Variants in DHX30 observed in about 807,000 individuals in gnomAD.
DHX30 encodes ATP-dependent RNA helicase DHX30.
In DHX30, 4 loss-of-function variants were observed where a neutral mutation model predicts 116.9. The ratio of observed to expected loss-of-function variants is 0.03; its 90% CI spans 0.02 to 0.08. The LOEUF (loss-of-function observed/expected upper bound fraction) is 0.08, where lower values mean the gene tolerates loss of function less well. DHX30 is among the 10% of genes least tolerant of loss of function. The pLI, the probability that DHX30 is intolerant of heterozygous loss-of-function variation, is 1.00. For synonymous variants in DHX30, 697 were observed against 651.7 expected (o/e 1.07, Z -1.06); for missense variants, 871 against 1,595.1 (o/e 0.55, Z 7.73).
chr3:47,838,641 C>A (rs2107095363), intron 6 of DHX30, among the ~76,000 whole-genome samples: 1 of 152,330 alleles, frequency 6.6e-6, no homozygotes, highest in East Asian at 1.9e-4. Flanking sequence ...AGGTTCCTGG[C>A]CCGTGGCCCG....
intron 3 of DHX30, among the ~76,000 whole-genome samples, chr3:47,815,170 A>G (rs2035995298): frequency 1.3e-5 from 2 of 152,168 alleles, no homozygotes; most frequent in South Asian, 4.2e-4. Context: ...GGCTTTCCCT[A>G]ATACTAGCAA....
At chr3:47,813,890 G>GTTT (rs2035913205) in intron 3 of DHX30, among the ~76,000 whole-genome samples, 1 of 135,868 alleles carries the variant, frequency 7.4e-6, no homozygotes, top group African/African-American at 2.8e-5. Context: ...GTCATCCTGG[G>GTTT]CTTTTTTTTT....
At chr3:47,814,143 A>G (rs4858863) in intron 3 of DHX30, among the ~76,000 whole-genome samples, 112,015 of 151,446 alleles carry the variant, frequency 0.74, 42,002 homozygotes, top group African/African-American at 0.86. Context: ...CACGATCCTC[A>G]GCTGAGCGCG....
At chr3:47,843,031 T>G in intron 8 of DHX30, 75 bp from the exon 9 acceptor site, 1 of 1,552,732 alleles carries the variant, frequency 6.4e-7, no homozygotes, top group Non-Finnish European at 8.8e-7. Flanking sequence ...CTGGGCTCCT[T>G]GGCATTCTGA....
Position 47,846,552 on chromosome 3 carries a change from A to G in DHX30, c.1480A>G (p.Ile494Val), listed in dbSNP as rs756133392. ...CNVIITQPRR[I>V]SAVSVAQRVS... ...TGTTATCATCACCCAACCTCGCCGCATCTCTGCTGTGTCTGTGGCACAGCG... is the reference window on the plus strand; with the variant it reads ...TGTTATCATCACCCAACCTCGCCGCGTCTCTGCTGTGTCTGTGGCACAGCG... The change falls in exon 11 of 22, where the codon ATC becomes GTC. Residue 494 changes from isoleucine to valine, a missense_variant. Around this residue, in one of 13 missense-constraint regions of DHX30, gnomAD observed 63 missense variants for 180.6 expected, o/e 0.35. Transcript: ENST00000445061. The G allele has an allele frequency of 6.2e-7, 1 of 1,614,080 alleles. No individual in the cohort carries two copies. The highest frequency in any genetic ancestry group is 8.5e-7 in the Non-Finnish European group (1 of 1,180,022).
In DHX30 at chr3:47,825,366, A is replaced by G. The variant is rs542185788; in HGVS notation, c.125-1981A>G. On this transcript the variant is annotated intron_variant, in intron 4 of 21. Coordinates refer to ENST00000445061, the MANE Select transcript of DHX30 (RefSeq NM_138615.3). ...GGGGGTCCTCTCTTCCATAGTGGCC[A>G]AGTTCGCCATCCGTCGGCGGGCAGC... 2.5e-5 allele frequency: 13 copies of G among 523,754 alleles called. No homozygotes were observed. The South Asian group carries it at 3.3e-4, about 13-fold the overall frequency. 32.4% of individuals were successfully genotyped at this position (523,754 alleles called of 1,614,324 possible).
intron 5 of DHX30, 62 bp from the exon 6 acceptor site, chr3:47,828,962 T>C: frequency 1.0e-6 from 1 of 991,724 alleles, no homozygotes. Context: ...ATTTTCCATG[T>C]AATTTGCAAC....
chr3:47,825,011 G>T lies in DHX30; in HGVS notation c.125-2336G>T, dbSNP rs993724127. On this transcript the variant is annotated intron_variant, in intron 4 of 21. Transcript: ENST00000445061. Reference sequence around the variant, plus strand: ...GTTCTCTTCGCCCGGTCCCTGCCGCGCACAGGCCTCGGGGTCGGCGGGAGC... The same window carrying T: ...GTTCTCTTCGCCCGGTCCCTGCCGCTCACAGGCCTCGGGGTCGGCGGGAGC... The T allele has an allele frequency of 1.6e-5, 10 of 615,364 alleles. No individual in the cohort carries two copies. In the East Asian group the frequency reaches 3.0e-4, roughly 19 times the overall value. 38.1% of individuals were successfully genotyped at this position (615,364 alleles called of 1,614,324 possible).
Position 47,848,871 on chromosome 3 carries a change from G to C in DHX30, c.2770-49G>C, listed in dbSNP as rs368605984. 9 of 1,597,298 alleles carry C rather than the reference G, an allele frequency of 5.6e-6. No individual in the cohort carries two copies. Among genetic ancestry groups the C allele is most frequent in the Non-Finnish European group, 6.9e-6 (8 of 1,167,544 alleles). On this transcript the variant is annotated intron_variant, in intron 17 of 21. Coordinates refer to ENST00000445061, the MANE Select transcript of DHX30 (RefSeq NM_138615.3). This position sits in a 1 kb window ranked among gnomAD's most constrained non-coding sequence, Gnocchi z 9.4. Reference sequence around the variant, plus strand: ...CCACCCACTGCTGTTCTGAGGGGGCGTTGTCTAGCCCCTGCCTGTGATCCG... The same window carrying C: ...CCACCCACTGCTGTTCTGAGGGGGCCTTGTCTAGCCCCTGCCTGTGATCCG...
Position 47,841,019 on chromosome 3 carries a change from C to T in DHX30, c.509C>T (p.Pro170Leu). ...MPPTSWRQLN[P>L]ESIRPGGPGG... ...CCTACTTCCTGGCGGCAGCTGAATC[C>T]AGAGAGTATTCGACCAGGGGGACCT... Residue 170 changes from proline (P) to leucine (L), a missense_variant, in exon 7 of 22, where the codon CCA (proline) becomes CTA (leucine). Around this residue, in one of 13 missense-constraint regions of DHX30, gnomAD observed 109 missense variants for 118.8 expected, o/e 0.92. Transcript: ENST00000445061. 1.2e-6 allele frequency: 2 copies of T among 1,614,180 alleles called. No homozygotes were observed. Among genetic ancestry groups the T allele is most frequent in the South Asian group, 1.1e-5 (1 of 91,088 alleles).
At chr3:47,843,395 A>G in intron 9 of DHX30, 140 bp downstream of exon 9, 1 of 1,183,848 alleles carries the variant, frequency 8.4e-7, no homozygotes, top group Non-Finnish European at 1.2e-6. Context: ...GCTGGTATGC[A>G]GGCCTCGCTT....
intron 9 of DHX30, among the ~76,000 whole-genome samples, chr3:47,844,908 C>T (rs575252756): frequency 2.0e-5 from 3 of 152,028 alleles, no homozygotes; most frequent in Admixed American, 6.6e-5. Flanking sequence ...ACAGATGGGT[C>T]GGGTGCCATG....
At position 47,831,936 on chromosome 3, in the gene DHX30, T is replaced by C. The variant is rs901617925; in HGVS notation, c.366+2802T>C. Among the ~76,000 whole-genome samples, 2 of 149,304 alleles carry C rather than the reference T, an allele frequency of 1.3e-5. 1 individual carries two copies. Among genetic ancestry groups the C allele is most frequent in the Non-Finnish European group, 3.0e-5 (2 of 67,100 alleles). ...TGAAGGCCTTTTCCTTTTTCTTTTT[T>C]TTTTTTTTTTTTATTCCTCTCTCCC... On this transcript the variant is annotated intron_variant, in intron 6 of 21. Transcript: ENST00000445061.
intron 6 of DHX30, among the ~76,000 whole-genome samples, chr3:47,836,511 A>AGTTTT (rs367678281): frequency 1.4e-4 from 21 of 151,334 alleles, no homozygotes; most frequent in South Asian, 4.2e-4. Flanking sequence ...CTATGTGTAT[A>AGTTTT]GTTTTGTTTT....
At chr3:47,841,250 C>T in intron 7 of DHX30, 72 bp downstream of exon 7, 1 of 1,556,956 alleles carries the variant, frequency 6.4e-7, no homozygotes. Flanking sequence ...ATGTTCTCTG[C>T]TAGCTTTCTC....
chr3:47,804,779 A>G (rs1335239497), intron 1 of DHX30, among the ~76,000 whole-genome samples: 1 of 152,178 alleles, frequency 6.6e-6, no homozygotes, highest in Non-Finnish European at 1.5e-5. Context: ...GCCCTGAGGC[A>G]GCTATGGGAT....
At chr3:47,823,440 T>C (rs995001389) in intron 4 of DHX30, among the ~76,000 whole-genome samples, 2 of 149,458 alleles carry the variant, frequency 1.3e-5, no homozygotes, top group Non-Finnish European at 3.0e-5. Flanking sequence ...CTCGGCTCAC[T>C]GCAACCTCCG....
At chr3:47,805,003 T>G (rs1197249244) in intron 1 of DHX30, among the ~76,000 whole-genome samples, 4 of 152,220 alleles carry the variant, frequency 2.6e-5, no homozygotes, top group Non-Finnish European at 5.9e-5. Context: ...ATTATGGGAT[T>G]AGAACTCAAA....
chr3:47,805,727 G>A (rs2035485116), intron 2 of DHX30, among the ~76,000 whole-genome samples: 1 of 152,038 alleles, frequency 6.6e-6, no homozygotes, highest in South Asian at 2.1e-4. Context: ...TTTTAGTAGA[G>A]ACTGGGTTTC....
Sources: gnomAD v4.1 joint callset for allele counts (sites outside exome capture counted in the v4.1 genomes callset) on GRCh38, gnomAD v4.1.1 for gene constraint, gnomAD v4.1.1 regional missense constraint, Gnocchi (gnomAD v3.1) non-coding constraint, MANE v1.5 for transcripts, NCBI Gene and HGNC (gene_info 2026-07-23, HGNC 2026-07-21) for gene names.